The following PEAK1 variants were observed in gnomAD, a reference collection of about 807,000 sequenced individuals.
PEAK1 encodes pseudopodium enriched atypical kinase 1, also known as inactive tyrosine-protein kinase PEAK1.
Under a neutral mutation model 124.7 loss-of-function variants are expected in PEAK1, and 54 were observed. The ratio of observed to expected loss-of-function variants is 0.43; its 90% CI spans 0.35 to 0.54. The LOEUF (loss-of-function observed/expected upper bound fraction) is 0.54, where lower values mean the gene tolerates loss of function less well. Among genes scored for constraint, PEAK1 ranks in the 20% least tolerant of loss-of-function variants. The pLI is 0.01. For missense variants in PEAK1, 2,046 were observed against 2,134.5 expected (o/e 0.96, Z 0.82); for synonymous variants, 719 against 760.0 (o/e 0.95, Z 0.89).
intron 6 of PEAK1, among the ~76,000 whole-genome samples, chr15:77,207,286 C>A (rs1392649383): frequency 6.6e-6 from 1 of 152,136 alleles, no homozygotes; most frequent in Non-Finnish European, 1.5e-5. Flanking sequence ...AACACATAAG[C>A]TTTTTAGATT....
intron 2 of PEAK1, among the ~76,000 whole-genome samples, chr15:77,328,765 A>C (rs1052512323): frequency 3.7e-4 from 56 of 152,202 alleles, no homozygotes; most frequent in African/African-American, 1.4e-3. Context: ...AAAAAACATA[A>C]GCATTATAAA....
chr15:77,248,670 T>C (rs1014741315), intron 6 of PEAK1, among the ~76,000 whole-genome samples: 2 of 152,178 alleles, frequency 1.3e-5, no homozygotes, highest in African/African-American at 4.8e-5. Context: ...CTCCCCAGCC[T>C]TCAGAACCAT....
chr15:77,336,082 A>G, intron 2 of PEAK1: 2 of 985,464 alleles, frequency 2.0e-6, no homozygotes, highest in South Asian at 9.4e-5. Flanking sequence ...AAAGACTGCT[A>G]TGAAAGACTA....
intron 2 of PEAK1, among the ~76,000 whole-genome samples, chr15:77,345,002 C>T (rs2141373066): frequency 6.6e-6 from 1 of 152,256 alleles, no homozygotes; most frequent in East Asian, 1.9e-4. Context: ...GATAATTTTA[C>T]TTCTTCCTTT....
intron 2 of PEAK1, among the ~76,000 whole-genome samples, chr15:77,321,053 C>T (rs1405188342): frequency 6.6e-6 from 1 of 152,224 alleles, no homozygotes; most frequent in Non-Finnish European, 1.5e-5. Context: ...TTAATCCAGT[C>T]TGTCATTGTT....
At position 77,114,741 on chromosome 15, in the gene PEAK1, T is replaced by C; in HGVS notation, c.4656A>G (p.Ile1552Met). 1 of 1,613,316 alleles carries C rather than the reference T, an allele frequency of 6.2e-7. No homozygotes were observed. The highest frequency in any genetic ancestry group is 8.5e-7 in the Non-Finnish European group (1 of 1,179,926). ...GCTTGGCCTGAGAGAAGTTGCTCAC[T>C]ATAAGCCTAGTGGGATAAGATGAGG... ...SPTSSYPTRL[I>M]VSNFSQAKQK... Residue 1552 changes from isoleucine to methionine, a missense_variant, in exon 10 of 10, where the codon ATA becomes ATG. Ile to Met is a conservative substitution (Grantham distance 10). Transcript: ENST00000682557.
intron 2 of PEAK1, among the ~76,000 whole-genome samples, chr15:77,321,165 G>C (rs1310663690): frequency 1.3e-5 from 2 of 152,138 alleles, no homozygotes; most frequent in Non-Finnish European, 2.9e-5. Flanking sequence ...AATCCTTTGG[G>C]TATATACCCA....
chr15:77,347,913 A>C (rs980207083), intron 2 of PEAK1: 74 of 984,940 alleles, frequency 7.5e-5, no homozygotes, highest in Non-Finnish European at 8.2e-5. Context: ...GCTCACCTTA[A>C]TTGAAGGATA....
At chr15:77,160,787 A>C (rs1177743703) in intron 7 of PEAK1, among the ~76,000 whole-genome samples, 1 of 152,072 alleles carries the variant, frequency 6.6e-6, no homozygotes, top group Admixed American at 6.5e-5. Context: ...TTGGCTCCTA[A>C]TCTCTTCAGA....
intron 6 of PEAK1, among the ~76,000 whole-genome samples, chr15:77,233,282 C>T (rs2059983641): frequency 6.6e-6 from 1 of 152,106 alleles, no homozygotes; most frequent in Non-Finnish European, 1.5e-5. Flanking sequence ...GGTTTTTGTT[C>T]CCATCAGTTC....
intron 1 of PEAK1, among the ~76,000 whole-genome samples, chr15:77,391,476 CAAAAAAAAAAAAAAAAAA>C (rs536286745): frequency 1.5e-5 from 1 of 68,280 alleles, no homozygotes; most frequent in African/African-American, 6.0e-5. Context: ...TAACTCATGG[CAAAAAAAAAAAAAAAAAA>C]AAAAAAAAAA....
chr15:77,400,983 T>C (rs1221224874), intron 1 of PEAK1, among the ~76,000 whole-genome samples: 1 of 152,158 alleles, frequency 6.6e-6, no homozygotes, highest in East Asian at 1.9e-4. Flanking sequence ...TTTCAAACAC[T>C]ACATAACAAT....
chr15:77,362,867 A>T (rs971337736), intron 2 of PEAK1, among the ~76,000 whole-genome samples: 6 of 151,972 alleles, frequency 3.9e-5, no homozygotes, highest in African/African-American at 7.3e-5. Flanking sequence ...TTATTTATTT[A>T]TTTTTTTAGA....
chr15:77,119,290 A>G (rs2051693412), intron 9 of PEAK1, among the ~76,000 whole-genome samples: 1 of 152,258 alleles, frequency 6.6e-6, no homozygotes, highest in African/African-American at 2.4e-5. Flanking sequence ...ACAGCCAGTC[A>G]GCTGGTATAT....
intron 5 of PEAK1, among the ~76,000 whole-genome samples, chr15:77,279,936 A>C (rs2062572179): frequency 6.6e-6 from 1 of 152,188 alleles, no homozygotes; most frequent in Non-Finnish European, 1.5e-5. Flanking sequence ...AGAGATTTTG[A>C]CCAAAAAGGG....
intron 4 of PEAK1, among the ~76,000 whole-genome samples, chr15:77,284,554 A>T (rs2062825315): frequency 6.6e-6 from 1 of 152,186 alleles, no homozygotes; most frequent in African/African-American, 2.4e-5. Flanking sequence ...TGTGAATTTA[A>T]AATCTCTCTT....
chr15:77,355,748 C>T lies in PEAK1; in HGVS notation c.-603+9415G>A, dbSNP rs142056473. 8.0e-5 allele frequency: 79 copies of T among 984,708 alleles called. No individual in the cohort carries two copies. The East Asian group carries it at 4.8e-3, about 59-fold the overall frequency. The allele number at this position is 984,708 out of a possible 1,614,324, so 61.0% of individuals were successfully genotyped here. ...TCCAGATTAAAGTTGCCTGTAATTACGTAAATCAGGTCTAAGAAGGCTGAG... is the reference window on the plus strand; with the variant it reads ...TCCAGATTAAAGTTGCCTGTAATTATGTAAATCAGGTCTAAGAAGGCTGAG... On this transcript the variant is annotated intron_variant, in intron 2 of 9. Coordinates refer to ENST00000682557, the MANE Select transcript of PEAK1 (RefSeq NM_001385026.1).
intron 1 of PEAK1, among the ~76,000 whole-genome samples, chr15:77,396,198 G>A (rs1462734659): frequency 3.3e-5 from 5 of 151,954 alleles, no homozygotes; most frequent in African/African-American, 1.2e-4. Context: ...AGATAGGTAG[G>A]TAGATAGCTA....
downstream of PEAK1, chr15:77,104,059 A>G (rs1273081851): frequency 6.6e-6 from 1 of 152,304 alleles, no homozygotes; most frequent in Non-Finnish European, 1.5e-5. Flanking sequence ...CTGGCACAAA[A>G]ACAAGCCAAT....
Sources: gnomAD v4.1 joint callset for allele counts (sites outside exome capture counted in the v4.1 genomes callset) on GRCh38, gnomAD v4.1.1 for gene constraint, MANE v1.5 for transcripts, NCBI Gene and HGNC (gene_info 2026-07-23, HGNC 2026-07-21) for gene names.